KCNQ3: variants seen among roughly 807,000 people sequenced by gnomAD.
The protein encoded by KCNQ3 is potassium voltage-gated channel subfamily Q member 3.
A neutral mutation model predicts 92.5 loss-of-function variants in KCNQ3; 30 were observed. That is an observed-to-expected ratio of 0.32 (90% CI 0.24 to 0.44). KCNQ3 has a LOEUF of 0.44. KCNQ3 is among the 20% of genes least tolerant of loss of function. The pLI, the probability that KCNQ3 is intolerant of heterozygous loss-of-function variation, is 1.00. For synonymous variants in KCNQ3, 450 were observed against 468.8 expected (o/e 0.96, Z 0.52); for missense variants, 913 against 1,140.3 (o/e 0.80, Z 2.87).
At chr8:132,263,823 C>T (rs563585400) in intron 1 of KCNQ3, among the ~76,000 whole-genome samples, 68 of 152,216 alleles carry the variant, frequency 4.5e-4, no homozygotes, top group African/African-American at 1.4e-3. Context: ...GTTGATCCTT[C>T]GCTCTGTCTC....
intron 1 of KCNQ3, 139 bp downstream of exon 1, chr8:132,480,008 G>T: frequency 1.3e-6 from 1 of 744,504 alleles, no homozygotes; most frequent in Non-Finnish European, 2.2e-6. Flanking sequence ...GGAAACGCGT[G>T]CTGAGGACGG....
chr8:132,275,035 T>C (rs1725014141), intron 1 of KCNQ3, among the ~76,000 whole-genome samples: 1 of 152,038 alleles, frequency 6.6e-6, no homozygotes. Context: ...TAATTGGTAG[T>C]GAAAAAGTGG....
intron 1 of KCNQ3, among the ~76,000 whole-genome samples, chr8:132,318,901 G>C (rs567998177): frequency 6.6e-6 from 1 of 152,272 alleles, no homozygotes; most frequent in Non-Finnish European, 1.5e-5. Flanking sequence ...ACCTTGAATT[G>C]GCTAGAGACC....
intron 1 of KCNQ3, among the ~76,000 whole-genome samples, chr8:132,224,845 T>G (rs1191113385): frequency 6.6e-6 from 1 of 152,186 alleles, no homozygotes; most frequent in Non-Finnish European, 1.5e-5. Flanking sequence ...TAATGGTTAT[T>G]CAACTAATTG....
intron 1 of KCNQ3, among the ~76,000 whole-genome samples, chr8:132,471,302 G>A (rs1314556438): frequency 2.0e-5 from 3 of 152,138 alleles, no homozygotes; most frequent in Non-Finnish European, 4.4e-5. Context: ...GACCCCAGCT[G>A]TGCCAGTTCA....
chr8:132,188,567 T>C (rs991003966), intron 1 of KCNQ3, among the ~76,000 whole-genome samples: 11 of 152,236 alleles, frequency 7.2e-5, no homozygotes, highest in East Asian at 1.9e-4. Flanking sequence ...TATTCAGTGA[T>C]GTAATCCATG....
intron 1 of KCNQ3, among the ~76,000 whole-genome samples, chr8:132,187,702 G>C (rs1042500943): frequency 1.2e-4 from 11 of 90,658 alleles, no homozygotes; most frequent in Admixed American, 9.9e-4. Flanking sequence ...TGTGATGATA[G>C]TGGTGGTGGT....
intron 9 of KCNQ3, among the ~76,000 whole-genome samples, chr8:132,162,598 A>G (rs1280323895): frequency 6.6e-6 from 1 of 152,146 alleles, no homozygotes. Context: ...GATCTCCTCA[A>G]AGGCCCTTAC....
chr8:132,211,306 A>G (rs1813843871), intron 1 of KCNQ3, among the ~76,000 whole-genome samples: 1 of 152,344 alleles, frequency 6.6e-6, no homozygotes, highest in Middle Eastern at 3.4e-3. Context: ...ACACCCTTCC[A>G]GGTGAACTGA....
chr8:132,218,248 CT>C (rs897699947), intron 1 of KCNQ3, among the ~76,000 whole-genome samples: 7 of 152,312 alleles, frequency 4.6e-5, no homozygotes, highest in African/African-American at 1.7e-4. Context: ...TGCTGCACCC[CT>C]AGCACCTGGG....
chr8:132,478,073 A>G (rs1446679669), intron 1 of KCNQ3, among the ~76,000 whole-genome samples: 1 of 152,228 alleles, frequency 6.6e-6, no homozygotes, highest in African/African-American at 2.4e-5. Flanking sequence ...GCATATTTGC[A>G]TATATATGCA....
At chr8:132,452,208 C>A (rs573164505) in intron 1 of KCNQ3, among the ~76,000 whole-genome samples, 42 of 152,310 alleles carry the variant, frequency 2.8e-4, no homozygotes, top group Admixed American at 1.6e-3. Context: ...TTCATCCCCC[C>A]AAAATGAAAC....
At chr8:132,282,532 C>A (rs183653018) in intron 1 of KCNQ3, among the ~76,000 whole-genome samples, 12 of 152,104 alleles carry the variant, frequency 7.9e-5, no homozygotes, top group African/African-American at 2.7e-4. Context: ...CAGTGCTTAT[C>A]CCCCCTTGCT....
chr8:132,199,349 A>G (rs1434425290), intron 1 of KCNQ3, among the ~76,000 whole-genome samples: 2 of 152,204 alleles, frequency 1.3e-5, no homozygotes, highest in Non-Finnish European at 2.9e-5. Flanking sequence ...TGTTCATTCT[A>G]AAAATTAGAG....
intron 1 of KCNQ3, among the ~76,000 whole-genome samples, chr8:132,359,414 G>T (rs1819103814): frequency 6.6e-6 from 1 of 152,148 alleles, no homozygotes; most frequent in Non-Finnish European, 1.5e-5. Context: ...CCCTACCAGG[G>T]TGCTCACTGT....
At chr8:132,410,905 C>T (rs896545466) in intron 1 of KCNQ3, among the ~76,000 whole-genome samples, 2 of 152,210 alleles carry the variant, frequency 1.3e-5, no homozygotes, top group Non-Finnish European at 2.9e-5. Context: ...TCCCCTGAGG[C>T]CAGACCAGCA....
chr8:132,420,955 A>G (rs1268827303), intron 1 of KCNQ3, among the ~76,000 whole-genome samples: 14 of 152,212 alleles, frequency 9.2e-5, no homozygotes, highest in Non-Finnish European at 1.5e-5. Context: ...TTGGGTTGAC[A>G]TGAAATACAT....
chr8:132,379,772 C>T (rs1470981800), intron 1 of KCNQ3, among the ~76,000 whole-genome samples: 1 of 152,094 alleles, frequency 6.6e-6, no homozygotes, highest in East Asian at 1.9e-4. Context: ...GTTCAGGAGA[C>T]AAAGACATGG....
chr8:132,364,639 C>T (rs1819261595), intron 1 of KCNQ3, among the ~76,000 whole-genome samples: 1 of 151,886 alleles, frequency 6.6e-6, no homozygotes, highest in African/African-American at 2.4e-5. Flanking sequence ...CAATTTTATA[C>T]AGTATTTAAC....
Sources: gnomAD v4.1 joint callset for allele counts (sites outside exome capture counted in the v4.1 genomes callset) on GRCh38, gnomAD v4.1.1 for gene constraint, MANE v1.5 for transcripts, NCBI Gene and HGNC (gene_info 2026-07-23, HGNC 2026-07-21) for gene names.